The following SLIT3 variants were observed in gnomAD, a reference collection of about 807,000 sequenced individuals.
The protein encoded by SLIT3 is slit homolog 3 protein.
In SLIT3, 68 loss-of-function variants were observed where a neutral mutation model predicts 184.0. The observed-to-expected ratio is 0.37, with a 90% CI of 0.30 to 0.45. The LOEUF (loss-of-function observed/expected upper bound fraction) is 0.45, where lower values mean the gene tolerates loss of function less well. Among genes scored for constraint, SLIT3 ranks in the 20% least tolerant of loss-of-function variants. SLIT3 has a pLI of 1.00. For missense variants in SLIT3, 1,707 were observed against 2,026.0 expected, an observed-to-expected ratio of 0.84 and a Z score of 3.02; for synonymous variants, 831 against 828.6, an observed-to-expected ratio of 1.00 and a Z score of -0.05.
chr5:169,199,305 A>G (rs1763843496), intron 3 of SLIT3, among the ~76,000 whole-genome samples: 2 of 152,024 alleles, frequency 1.3e-5, no homozygotes, highest in Admixed American at 1.3e-4. Flanking sequence ...GAAGTGAGGT[A>G]TAATCGGCTG....
At chr5:168,852,771 A>T (rs1331083601) in intron 5 of SLIT3, among the ~76,000 whole-genome samples, 2 of 152,220 alleles carry the variant, frequency 1.3e-5, no homozygotes, top group African/African-American at 4.8e-5. Context: ...GGGCTTGTAT[A>T]ATTTGTAACT....
chr5:169,109,700 T>C (rs1472578959), intron 4 of SLIT3, among the ~76,000 whole-genome samples: 1 of 152,216 alleles, frequency 6.6e-6, no homozygotes, highest in Non-Finnish European at 1.5e-5. Context: ...TATTTCACTC[T>C]GCTCTCATCT....
intron 5 of SLIT3, among the ~76,000 whole-genome samples, chr5:168,876,417 AGGTCCTACC>A (rs1759732555): frequency 6.6e-6 from 1 of 152,130 alleles, no homozygotes; most frequent in Non-Finnish European, 1.5e-5. Flanking sequence ...ATGGGGTTCT[AGGTCCTACC>A]TTCCTGCACC....
Position 168,663,120 on chromosome 5 carries a change from G to C in SLIT3, c.*3334C>G, listed in dbSNP as rs373742701. ...GCAGAGGGAGGTCTCAGGTTCCTTG[G>C]GGAGGCAGAGGGAAAGCTGGCAGCC... On this transcript the variant is annotated 3_prime_UTR_variant, in exon 36 of 36. Coordinates refer to ENST00000519560, the MANE Select transcript of SLIT3 (RefSeq NM_003062.4). 1.2e-4 allele frequency: 18 copies of C among 152,420 alleles called. No individual in the cohort carries two copies. Among genetic ancestry groups the C allele is most frequent in the African/African-American group, 4.3e-4 (18 of 41,582 alleles). The allele number at this position is 152,420 out of a possible 1,614,324, so 9.4% of individuals were successfully genotyped here.
At chr5:168,967,435 A>ATTTTTTTTTTTTTTTTTTTTTTTTTTTTT in intron 4 of SLIT3, among the ~76,000 whole-genome samples, 1 of 30,758 alleles carries the variant, frequency 3.3e-5, no homozygotes, top group Non-Finnish European at 6.1e-5. Context: ...GCCATCTCAA[A>ATTTTTTTTTTTTTTTTTTTTTTTTTTTTT]TCTTTTTTTT....
Position 168,774,321 on chromosome 5 carries a change from C to G in SLIT3, c.1209G>C (p.Gln403His). Residue 403 changes from glutamine (Q) to histidine (H), a missense_variant, in exon 13 of 36, where the codon CAG (glutamine) becomes CAC (histidine). This residue lies in a region of SLIT3 where 1,307 missense variants were observed against 1,511.6 expected (regional missense o/e 0.86). Transcript: ENST00000519560. ...CLRVNTFQDL[Q>H]NLNLLSLYDN... is the part of the protein sequence containing the mutation. ...CATACAGGGAGAGCAAGTTGAGGTTCTGCAGGTCCTGAAACGTGTTCACCC... is the reference window on the plus strand; with the variant it reads ...CATACAGGGAGAGCAAGTTGAGGTTGTGCAGGTCCTGAAACGTGTTCACCC... The G allele has an allele frequency of 6.2e-7, 1 of 1,614,124 alleles. No homozygotes were observed. Among genetic ancestry groups the G allele is most frequent in the Non-Finnish European group, 8.5e-7 (1 of 1,179,992 alleles).
rs144476601 is a variant in SLIT3, at chr5:169,136,249, G to A, written c.413+57230C>T. 2.4e-3 allele frequency among the ~76,000 whole-genome samples: 371 copies of A among 152,240 alleles called. 1 individual carries two copies. The highest frequency in any genetic ancestry group is 3.8e-3 in the Non-Finnish European group (258 of 68,012). On this transcript the variant is annotated intron_variant, in intron 4 of 35. Coordinates refer to ENST00000519560, the MANE Select transcript of SLIT3 (RefSeq NM_003062.4). The stretch of plus-strand genomic sequence containing the variant: ...CTTAAGAAAAAGTAGCATGAACTAC[G>A]AGACTGAAACAGCAGTGGTGATTCT...
At chr5:169,187,111 G>GTTTCTTTTT (rs1763371982) in intron 4 of SLIT3, among the ~76,000 whole-genome samples, 1 of 94,418 alleles carries the variant, frequency 1.1e-5, no homozygotes, top group African/African-American at 4.2e-5. Flanking sequence ...GCAGCTATAG[G>GTTTCTTTTT]TTTTTTTTTT....
At chr5:169,262,167 G>T (rs1766214527) in intron 1 of SLIT3, among the ~76,000 whole-genome samples, 1 of 152,196 alleles carries the variant, frequency 6.6e-6, no homozygotes, top group Admixed American at 6.5e-5. Flanking sequence ...AATGCCTGTT[G>T]TTTTAAGCCA....
At chr5:168,675,053 C>T (rs1761365030) in intron 32 of SLIT3, among the ~76,000 whole-genome samples, 1 of 152,166 alleles carries the variant, frequency 6.6e-6, no homozygotes, top group Non-Finnish European at 1.5e-5. Context: ...ACACTTTTGA[C>T]TCCCAAATTG....
chr5:168,731,578 C>T (rs890220596), intron 20 of SLIT3, among the ~76,000 whole-genome samples: 2 of 151,880 alleles, frequency 1.3e-5, no homozygotes, highest in Admixed American at 1.3e-4. Flanking sequence ...CAAATTGAAT[C>T]CAAGAGCACA....
intron 12 of SLIT3, among the ~76,000 whole-genome samples, chr5:168,785,207 A>T (rs371588294): frequency 6.6e-6 from 1 of 152,242 alleles, no homozygotes; most frequent in South Asian, 2.1e-4. Context: ...CTTGTCACAA[A>T]TCAGAGATGA....
At chr5:168,793,629 G>C (rs192982283) in intron 10 of SLIT3, among the ~76,000 whole-genome samples, 2 of 152,280 alleles carry the variant, frequency 1.3e-5, no homozygotes, top group Non-Finnish European at 2.9e-5. Flanking sequence ...CAATAGGTTG[G>C]AGAAGGAACA....
chr5:168,759,641 C>T (rs886171967), intron 16 of SLIT3, among the ~76,000 whole-genome samples: 5 of 152,186 alleles, frequency 3.3e-5, no homozygotes, highest in East Asian at 3.8e-4. Flanking sequence ...TGGCCTCGCT[C>T]GACCCCAGCT....
intron 4 of SLIT3, among the ~76,000 whole-genome samples, chr5:168,999,802 T>G (rs925212670): frequency 1.3e-5 from 2 of 152,204 alleles, no homozygotes; most frequent in African/African-American, 4.8e-5. Flanking sequence ...GCCCTGGGGC[T>G]GCAGGTACAG....
chr5:168,905,365 TGCTGGTGCAGCCTTC>T (rs1761014034), intron 4 of SLIT3, among the ~76,000 whole-genome samples: 1 of 152,210 alleles, frequency 6.6e-6, no homozygotes, highest in Non-Finnish European at 1.5e-5. Flanking sequence ...CCTGTATGCT[TGCTGGTGCAGCCTTC>T]TTCTTTTGAA....
chr5:169,101,558 C>G (rs1191926829), intron 4 of SLIT3, among the ~76,000 whole-genome samples: 2 of 152,230 alleles, frequency 1.3e-5, no homozygotes, highest in African/African-American at 4.8e-5. Context: ...TCCTTGCCTA[C>G]ACCTTGCCTC....
intron 16 of SLIT3, among the ~76,000 whole-genome samples, chr5:168,755,986 A>G (rs1474294745): frequency 1.3e-5 from 2 of 152,210 alleles, no homozygotes; most frequent in East Asian, 1.9e-4. Context: ...CAGTGTTTAT[A>G]TTAGCTCAGG....
At chr5:169,196,309 G>T (rs1294014146) in intron 3 of SLIT3, among the ~76,000 whole-genome samples, 1 of 152,194 alleles carries the variant, frequency 6.6e-6, no homozygotes, top group African/African-American at 2.4e-5. Context: ...GATTCACCGG[G>T]GCTGGGCACA....
Sources: gnomAD v4.1 joint callset for allele counts (sites outside exome capture counted in the v4.1 genomes callset) on GRCh38, gnomAD v4.1.1 for gene constraint, gnomAD v4.1.1 regional missense constraint, MANE v1.5 for transcripts, NCBI Gene and HGNC (gene_info 2026-07-23, HGNC 2026-07-21) for gene names.